Variants in UGT1A9 observed in about 807,000 individuals in gnomAD.
UGT1A9 encodes the protein UDP-glucuronosyltransferase 1A9.
UGT1A9 carries 35 observed loss-of-function variants against 45.0 expected under a neutral mutation model. The observed-to-expected ratio is 0.78, with a 90% CI of 0.59 to 1.03. The LOEUF (loss-of-function observed/expected upper bound fraction) is 1.03, where lower values mean the gene tolerates loss of function less well. UGT1A9 is among the 50% of genes least tolerant of loss of function. The pLI is 0.00. For synonymous variants in UGT1A9, 278 were observed against 250.6 expected (o/e 1.11, Z -1.03); for missense variants, 687 against 666.6 (o/e 1.03, Z -0.34).
chr2:233,709,781 G>T (rs2076092056), intron 1 of UGT1A9, among the ~76,000 whole-genome samples: 4 of 152,082 alleles, frequency 2.6e-5, no homozygotes, highest in Admixed American at 2.6e-4. Flanking sequence ...GCAATAAAGT[G>T]CACCGTTTTA....
At chr2:233,718,827 A>T (rs1411325211) in intron 1 of UGT1A9, 1 of 1,613,418 alleles carries the variant, frequency 6.2e-7, no homozygotes, top group Non-Finnish European at 8.5e-7. Context: ...TGAGATGGCC[A>T]GAGGACTCCA....
chr2:233,696,158 A>G (rs2075328796), intron 1 of UGT1A9, among the ~76,000 whole-genome samples: 1 of 152,220 alleles, frequency 6.6e-6, no homozygotes, highest in Non-Finnish European at 1.5e-5. Flanking sequence ...TATATATCCA[A>G]AAGAAAAAAA....
intron 1 of UGT1A9, among the ~76,000 whole-genome samples, chr2:233,758,743 G>T (rs1250346162): frequency 6.6e-6 from 1 of 152,162 alleles, no homozygotes; most frequent in East Asian, 1.9e-4. Context: ...CCCAAGTATG[G>T]CTGGCCAGTG....
intron 1 of UGT1A9, among the ~76,000 whole-genome samples, chr2:233,697,414 G>T (rs1199791419): frequency 3.3e-5 from 5 of 151,592 alleles, no homozygotes; most frequent in African/African-American, 1.2e-4. Context: ...TGTGGTGTCA[G>T]TTGCTGTGTT....
intron 1 of UGT1A9, chr2:233,718,791 G>C: frequency 6.2e-7 from 1 of 1,613,144 alleles, no homozygotes; most frequent in Non-Finnish European, 8.5e-7. Context: ...GCGTGGGGTG[G>C]ACAGTCAGCT....
chr2:233,729,487 T>C (rs1189520708), intron 1 of UGT1A9: 17 of 1,614,220 alleles, frequency 1.1e-5, no homozygotes, highest in Non-Finnish European at 1.4e-5. Flanking sequence ...GAACAATATG[T>C]CTTTGGTCTA....
chr2:233,713,574 C>T (rs1477870335), intron 1 of UGT1A9: 1 of 1,613,856 alleles, frequency 6.2e-7, no homozygotes. Flanking sequence ...CTCCTATATT[C>T]CTAGATTACT....
chr2:233,772,420 C>T lies in UGT1A9; in HGVS notation c.1454C>T (p.Ser485Phe), dbSNP rs72551360. ...GACCTCACCTGGTACCAGTACCATT[C>T]CTTGGACGTGATTGGTTTCCTCTTG... ...AHDLTWYQYHSLDVIGFLLAV... is the reference protein window; with the variant it reads ...AHDLTWYQYHFLDVIGFLLAV... Residue 485 changes from serine (S) to phenylalanine (F), a missense_variant, in exon 5 of 5, where the codon TCC becomes TTC. By Grantham distance (155) the Ser-to-Phe change is radical. Coordinates refer to ENST00000354728, the MANE Select transcript of UGT1A9 (RefSeq NM_021027.3). The T allele has an allele frequency of 2.3e-5, 37 of 1,614,120 alleles. No homozygotes were observed. Among genetic ancestry groups the T allele is most frequent in the African/African-American group, 8.0e-5 (6 of 74,942 alleles).
rs753189550 is a variant in UGT1A9 at position 233,672,277 on chromosome 2, G to A, written c.343G>A (p.Asp115Asn). 64 of 1,613,694 alleles carry A rather than the reference G, an allele frequency of 4.0e-5. No individual in the cohort carries two copies. Among genetic ancestry groups the A allele is most frequent in the Non-Finnish European group, 5.0e-5 (59 of 1,179,804 alleles). ...TTCTCTATTAATGGGTTCATACAAT[G>A]ACATTTTTGACTTATTTTTTTCAAA... is the stretch of plus-strand genomic sequence containing the variant. The part of the protein sequence containing the change: ...IYSLLMGSYN[D>N]IFDLFFSNCR... Residue 115 changes from aspartate to asparagine, a missense_variant, in exon 1 of 5, where the codon GAC becomes AAC. Asp to Asn is a conservative substitution (Grantham distance 23). Coordinates refer to ENST00000354728, the MANE Select transcript of UGT1A9 (RefSeq NM_021027.3).
At chr2:233,756,358 A>G (rs536694475) in intron 1 of UGT1A9, 1 of 152,314 alleles carries the variant, frequency 6.6e-6, no homozygotes, top group Non-Finnish European at 1.5e-5. Context: ...TTTACCTAAT[A>G]AATGTAAATG....
At chr2:233,736,991 G>A (rs1181891962) in intron 1 of UGT1A9, among the ~76,000 whole-genome samples, 1 of 152,206 alleles carries the variant, frequency 6.6e-6, no homozygotes, top group Non-Finnish European at 1.5e-5. Flanking sequence ...GATACACAGA[G>A]GTCAGGGACC....
intron 1 of UGT1A9, chr2:233,761,219 T>C: frequency 6.2e-7 from 1 of 1,613,544 alleles, no homozygotes; most frequent in South Asian, 1.1e-5. Flanking sequence ...ATCGATTAAC[T>C]AGCCCCAGAT....
At chr2:233,698,908 G>A (rs1199885168) in intron 1 of UGT1A9, among the ~76,000 whole-genome samples, 2 of 152,230 alleles carry the variant, frequency 1.3e-5, no homozygotes, top group Non-Finnish European at 2.9e-5. Context: ...TCTGCCCAAG[G>A]AGGGACGTGG....
chr2:233,730,805 C>T lies in UGT1A9; in HGVS notation c.856-36229C>T, dbSNP rs1300674674. On this transcript the variant is annotated intron_variant, in intron 1 of 4. Coordinates refer to ENST00000354728, the MANE Select transcript of UGT1A9 (RefSeq NM_021027.3). ...CTGGGGACAGTGATGAATGGACATG[C>T]GTCCAAGAAGGGAAGCATTTCTCAG... Among the ~76,000 whole-genome samples the T allele has an allele frequency of 3.3e-5, 5 of 152,230 alleles. 1 individual carries two copies. The highest frequency in any genetic ancestry group is 2.0e-4 in the Admixed American group (3 of 15,282).
chr2:233,771,905 G>T (rs1048759513), intron 4 of UGT1A9, among the ~76,000 whole-genome samples: 4 of 151,250 alleles, frequency 2.6e-5, no homozygotes, highest in Non-Finnish European at 5.9e-5. Flanking sequence ...CCTTTCAGGT[G>T]ATAATAGTAA....
intron 1 of UGT1A9, among the ~76,000 whole-genome samples, chr2:233,731,936 T>G (rs924975357): frequency 2.0e-5 from 3 of 152,218 alleles, no homozygotes; most frequent in African/African-American, 7.2e-5. Context: ...CCACATCCTC[T>G]CCAACATCTG....
chr2:233,769,507 T>C lies in UGT1A9; in HGVS notation c.1295+1068T>C. 6.2e-7 allele frequency: 1 copy of C among 1,612,744 alleles called. No homozygotes were observed. Among genetic ancestry groups the C allele is most frequent in the South Asian group, 1.1e-5 (1 of 91,058 alleles). The stretch of plus-strand genomic sequence containing the variant: ...TGTGTTTATGAGAGTGTCCATTGCT[T>C]TCTCCCATGGTTACCTCCTTTAGAA... On this transcript the variant is annotated intron_variant, in intron 4 of 4. Coordinates refer to ENST00000354728, the MANE Select transcript of UGT1A9 (RefSeq NM_021027.3). This position sits in a 1 kb window ranked among gnomAD's most constrained non-coding sequence, Gnocchi z 4.4.
Position 233,748,064 on chromosome 2 carries a change from G to T in UGT1A9, c.856-18970G>T, listed in dbSNP as rs867030809. On this transcript the variant is annotated intron_variant, in intron 1 of 4. Transcript: ENST00000354728. ...TTGGGGGCATCAACTGTGCCAACAG[G>T]AAGCCACTATCTCAGGTCGGTGTTC... 3.5e-5 allele frequency: 57 copies of T among 1,612,772 alleles called. 2 individuals carry two copies. In the African/African-American group the frequency reaches 5.8e-4, roughly 16 times the overall value.
At chr2:233,688,597 A>C (rs1376103048) in intron 1 of UGT1A9, among the ~76,000 whole-genome samples, 1 of 152,200 alleles carries the variant, frequency 6.6e-6, no homozygotes, top group Non-Finnish European at 1.5e-5. Context: ...TTGGTGTTAC[A>C]GAATAACACC....
Sources: allele counts gnomAD v4.1 joint callset (sites outside exome capture counted in the v4.1 genomes callset), GRCh38; gene constraint gnomAD v4.1.1; non-coding constraint Gnocchi (gnomAD v3.1); transcripts MANE v1.5; gene names NCBI Gene and HGNC (gene_info 2026-07-23, HGNC 2026-07-21).